The following TTC28 variants were observed in gnomAD, a reference collection of about 807,000 sequenced individuals.
TTC28 encodes tetratricopeptide repeat domain 28.
TTC28 carries 61 observed loss-of-function variants against 198.0 expected under a neutral mutation model. That is an observed-to-expected ratio of 0.31 (90% CI 0.25 to 0.38). The LOEUF is 0.38. TTC28 is among the 10% of genes least tolerant of loss of function. The pLI is 1.00. For synonymous variants in TTC28, 1,171 were observed against 1,297.8 expected, an observed-to-expected ratio of 0.90 and a Z score of 2.10; for missense variants, 2,678 against 3,164.0, an observed-to-expected ratio of 0.85 and a Z score of 3.69.
At chr22:28,211,416 C>T (rs1926948702) in intron 5 of TTC28, among the ~76,000 whole-genome samples, 1 of 151,748 alleles carries the variant, frequency 6.6e-6, no homozygotes, top group Non-Finnish European at 1.5e-5. Flanking sequence ...CACATAGGCT[C>T]AAAATAAAGG....
At chr22:28,567,677 T>G (rs1279159685) in intron 2 of TTC28, among the ~76,000 whole-genome samples, 2 of 151,402 alleles carry the variant, frequency 1.3e-5, no homozygotes, top group African/African-American at 4.9e-5. Context: ...TTCAGACTTG[T>G]GGCATTCCCA....
At chr22:28,623,546 G>A (rs1454173165) in intron 2 of TTC28, among the ~76,000 whole-genome samples, 1 of 152,128 alleles carries the variant, frequency 6.6e-6, no homozygotes, top group Non-Finnish European at 1.5e-5. Flanking sequence ...TTAAGCATCT[G>A]GACTTCATTG....
intron 13 of TTC28, among the ~76,000 whole-genome samples, chr22:28,027,729 C>G (rs1480274201): frequency 6.6e-6 from 1 of 152,234 alleles, no homozygotes; most frequent in Non-Finnish European, 1.5e-5. Context: ...TGTTCAGTCA[C>G]AAGCCAGTGC....
intron 1 of TTC28, among the ~76,000 whole-genome samples, chr22:28,658,449 CACAA>C (rs780899454): frequency 6.6e-6 from 1 of 152,116 alleles, no homozygotes; most frequent in Non-Finnish European, 1.5e-5. Flanking sequence ...GCTTTGGGTT[CACAA>C]ACAGACATGA....
chr22:28,409,490 C>G (rs2047048232), intron 2 of TTC28, among the ~76,000 whole-genome samples: 2 of 151,436 alleles, frequency 1.3e-5, no homozygotes, highest in Non-Finnish European at 2.9e-5. Context: ...TTTCCATCAC[C>G]TGCTCCTTGT....
chr22:28,565,412 T>C (rs776689039), intron 2 of TTC28, among the ~76,000 whole-genome samples: 1 of 152,192 alleles, frequency 6.6e-6, no homozygotes, highest in Non-Finnish European at 1.5e-5. Flanking sequence ...ATTCCTTGAT[T>C]ACACATTTTG....
intron 12 of TTC28, among the ~76,000 whole-genome samples, chr22:28,035,032 G>C (rs1299005663): frequency 6.6e-6 from 1 of 152,202 alleles, no homozygotes; most frequent in Non-Finnish European, 1.5e-5. Context: ...AGAGGCTCCA[G>C]ATAGGATTTT....
chr22:28,610,405 CTT>C (rs2146147252), intron 2 of TTC28, among the ~76,000 whole-genome samples: 1 of 152,290 alleles, frequency 6.6e-6, no homozygotes, highest in Non-Finnish European at 1.5e-5. Flanking sequence ...AGGCAGCAAT[CTT>C]TGCCGTTCTG....
chr22:28,284,363 AT>A (rs1299105190), intron 5 of TTC28, among the ~76,000 whole-genome samples: 2 of 152,190 alleles, frequency 1.3e-5, no homozygotes, highest in African/African-American at 4.8e-5. Context: ...CAGTTTGTCA[AT>A]CAAGTTGAAA....
chr22:28,211,261 G>C (rs1343449150), intron 5 of TTC28, among the ~76,000 whole-genome samples: 2 of 152,084 alleles, frequency 1.3e-5, no homozygotes, highest in Admixed American at 6.5e-5. Context: ...CATAATGACA[G>C]GATCAAATTC....
intron 2 of TTC28, among the ~76,000 whole-genome samples, chr22:28,556,482 T>C (rs2049788578): frequency 6.6e-6 from 1 of 152,240 alleles, no homozygotes; most frequent in Admixed American, 6.5e-5. Context: ...CGTTTGCTAC[T>C]GAGAAATCTA....
rs185127650 is a variant in TTC28, at chr22:28,634,625, G to A, written c.103-4795C>T. 4.5e-3 allele frequency among the ~76,000 whole-genome samples: 615 copies of A among 136,388 alleles called. 3 individuals carry two copies. Among genetic ancestry groups the A allele is most frequent in the African/African-American group, 0.016 (586 of 36,232 alleles). 89.5% of individuals were successfully genotyped at this position (136,388 alleles called of 152,430 possible). A position where few individuals can be genotyped will look rare whatever the true frequency, so the allele number is the denominator to read the frequency against. ...TTTTGAGATGGAGTCTCACTCTGTTGCCCTGGCTGGAGGGCAGCGGAGTGA... is the reference window on the plus strand; with the variant it reads ...TTTTGAGATGGAGTCTCACTCTGTTACCCTGGCTGGAGGGCAGCGGAGTGA... On this transcript the variant is annotated intron_variant, in intron 1 of 22. Transcript: ENST00000397906.
chr22:28,216,200 G>A (rs1330199959), intron 5 of TTC28, among the ~76,000 whole-genome samples: 1 of 152,166 alleles, frequency 6.6e-6, no homozygotes, highest in African/African-American at 2.4e-5. Context: ...TCTTTGAAAG[G>A]CTTAGAGTAC....
chr22:28,587,592 G>A (rs542797998), intron 2 of TTC28, among the ~76,000 whole-genome samples: 6 of 151,778 alleles, frequency 4.0e-5, no homozygotes, highest in Non-Finnish European at 8.8e-5. Context: ...GACTATAGTC[G>A]TACACCACCA....
chr22:28,303,856 CAAAAAAAA>C (rs202209435), intron 3 of TTC28: 1 of 99,428 alleles, frequency 1.0e-5, no homozygotes, highest in East Asian at 2.4e-4. Context: ...CTTTAAAATA[CAAAAAAAA>C]AAAAAAAAAT....
chr22:28,050,892 TACA>T (rs1183024068), intron 12 of TTC28, among the ~76,000 whole-genome samples: 4 of 152,206 alleles, frequency 2.6e-5, no homozygotes, highest in African/African-American at 9.6e-5. Context: ...CATATTCTAA[TACA>T]ACATGATCTC....
chr22:28,417,451 G>A (rs2047185253), intron 2 of TTC28, among the ~76,000 whole-genome samples: 1 of 151,932 alleles, frequency 6.6e-6, no homozygotes, highest in East Asian at 1.9e-4. Flanking sequence ...CTCCAGCCTG[G>A]GCAACACAGT....
chr22:28,084,456 T>G (rs1043724684), intron 12 of TTC28, among the ~76,000 whole-genome samples: 3 of 152,212 alleles, frequency 2.0e-5, no homozygotes, highest in African/African-American at 4.8e-5. Context: ...GGGTCCTGTC[T>G]GTTAGAAGGA....
chr22:28,632,253 CTTTTTTTTTTTTTTTT>C lies in TTC28; in HGVS notation c.103-2439_103-2424del, dbSNP rs765447917. 1.9e-3 allele frequency among the ~76,000 whole-genome samples: 92 copies of C among 49,704 alleles called. 2 individuals carry two copies. Among genetic ancestry groups the C allele is most frequent in the Non-Finnish European group, 2.8e-3 (78 of 28,220 alleles). The allele number at this position is 49,704 out of a possible 152,430, so 32.6% of individuals were successfully genotyped here. A position where few individuals can be genotyped will look rare whatever the true frequency, so the allele number is the denominator to read the frequency against. On this transcript the variant is annotated intron_variant, in intron 1 of 22. Transcript: ENST00000397906. Reference sequence around the variant, plus strand: ...ATATCAGTGTCCAAGTTATATTCAACTTTTTTTTTTTTTTTTTTTTTTTTTTTTTTTGAGGAGAAGT... The same window carrying C: ...ATATCAGTGTCCAAGTTATATTCAACTTTTTTTTTTTTTTTGAGGAGAAGT...
Sources: gnomAD v4.1 joint callset for allele counts (sites outside exome capture counted in the v4.1 genomes callset) on GRCh38, gnomAD v4.1.1 for gene constraint, MANE v1.5 for transcripts, NCBI Gene and HGNC (gene_info 2026-07-23, HGNC 2026-07-21) for gene names.